The following VPS4B variants were observed in gnomAD, a reference collection of about 807,000 sequenced individuals.
The protein encoded by VPS4B is vacuolar protein sorting-associated protein 4B.
A neutral mutation model predicts 56.1 loss-of-function variants in VPS4B; 23 were observed. The observed-to-expected ratio is 0.41, with a 90% CI of 0.30 to 0.58. The LOEUF (loss-of-function observed/expected upper bound fraction) is 0.58, where lower values mean the gene tolerates loss of function less well. Ranked by LOEUF, VPS4B falls within the 20% of genes least tolerant of loss-of-function variation. VPS4B has a pLI of 0.29. For missense variants in VPS4B, 372 were observed against 531.9 expected, an observed-to-expected ratio of 0.70 and a Z score of 2.96; for synonymous variants, 177 against 186.0, an observed-to-expected ratio of 0.95 and a Z score of 0.39.
At chr18:63,417,948 C>G (rs1298710753) in intron 1 of VPS4B, among the ~76,000 whole-genome samples, 2 of 152,326 alleles carry the variant, frequency 1.3e-5, no homozygotes, top group Non-Finnish European at 2.9e-5. Flanking sequence ...CTACAATTAC[C>G]TACCTCAGAA....
intron 4 of VPS4B, among the ~76,000 whole-genome samples, chr18:63,405,253 A>T (rs1915890392): frequency 6.6e-6 from 1 of 152,188 alleles, no homozygotes; most frequent in Admixed American, 6.5e-5. Flanking sequence ...CCGGTCTTTG[A>T]CTATACTATT....
At chr18:63,416,527 T>C (rs1490654785) in intron 1 of VPS4B, 1 of 152,250 alleles carries the variant, frequency 6.6e-6, no homozygotes, top group African/African-American at 2.4e-5. Context: ...CCATCTCCCT[T>C]GCTAACACCC....
Position 63,397,125 on chromosome 18 carries a change from T to A in VPS4B, c.1001A>T (p.Asp334Val). 6.2e-7 allele frequency: 1 copy of A among 1,614,152 alleles called. No homozygotes were observed. Among genetic ancestry groups the A allele is most frequent in the Non-Finnish European group, 8.5e-7 (1 of 1,180,034 alleles). Residue 334 changes from aspartate (D) to valine (V), a missense_variant, in exon 9 of 11, where the codon GAT becomes GTT. Asp to Val is a radical substitution (Grantham distance 152). Coordinates refer to ENST00000238497, the MANE Select transcript of VPS4B (RefSeq NM_004869.4). ...ACTTATATCTGCCCCTGAATAACCA[T>A]CTGTTTTCCTCCCAAGTTCCCGAAA... ...ADFRELGRKT[D>V]GYSGADISII... is the part of the protein sequence containing the mutation.
At chr18:63,410,938 G>T (rs74595801) in intron 2 of VPS4B, among the ~76,000 whole-genome samples, 1 of 152,204 alleles carries the variant, frequency 6.6e-6, no homozygotes, top group Non-Finnish European at 1.5e-5. Flanking sequence ...AAAGGCCTCT[G>T]TCAGAGCTGT....
Position 63,422,352 on chromosome 18 carries a change from C to G in VPS4B, c.-93G>C, listed in dbSNP as rs944608471. 8 of 1,259,422 alleles carry G rather than the reference C, an allele frequency of 6.4e-6. No individual in the cohort carries two copies. Among genetic ancestry groups the G allele is most frequent in the South Asian group, 2.0e-5 (1 of 51,212 alleles). The allele number at this position is 1,259,422 out of a possible 1,614,324, so 78.0% of individuals were successfully genotyped here. On this transcript the variant is annotated 5_prime_UTR_variant, in exon 1 of 11. Coordinates refer to ENST00000238497, the MANE Select transcript of VPS4B (RefSeq NM_004869.4). ...CGCGCACGGGGTAACAGCCCTCAAACTGGGGAGGCCGGTGGTTCTCGGACC... is the reference window on the plus strand; with the variant it reads ...CGCGCACGGGGTAACAGCCCTCAAAGTGGGGAGGCCGGTGGTTCTCGGACC...
intron 10 of VPS4B, 86 bp downstream of exon 10, chr18:63,393,323 A>G: frequency 7.6e-7 from 1 of 1,322,648 alleles, no homozygotes; most frequent in Non-Finnish European, 9.9e-7. Flanking sequence ...GTTTATACTA[A>G]GATTTTCCAG....
chr18:63,410,981 G>C (rs1331333236), intron 2 of VPS4B, among the ~76,000 whole-genome samples: 1 of 152,194 alleles, frequency 6.6e-6, no homozygotes, highest in Non-Finnish European at 1.5e-5. Context: ...ACGTGCAATA[G>C]ATGGGATGAG....
intron 1 of VPS4B, among the ~76,000 whole-genome samples, chr18:63,417,090 C>T (rs112928600): frequency 2.6e-5 from 4 of 151,320 alleles, no homozygotes; most frequent in South Asian, 2.1e-4. Context: ...AATTGTTTAA[C>T]GAATGAAAAA....
In VPS4B at chr18:63,419,019, T is replaced by C. The variant is rs144994141; in HGVS notation, c.27+3214A>G. Among the ~76,000 whole-genome samples, 346 of 152,262 alleles carry C rather than the reference T, an allele frequency of 2.3e-3. 6 individuals are homozygous for C. The highest frequency in any genetic ancestry group is 7.3e-3 in the East Asian group (38 of 5,172). On this transcript the variant is annotated intron_variant, in intron 1 of 10. Transcript: ENST00000238497. ...TTTGCTCCCTTGCCCTGGCCCCAAA[T>C]AGCTCTCCTTTTGTATTCCCAGAAC...
rs771892843 is a variant in VPS4B at position 63,390,939 on chromosome 18, A to T, written c.*36T>A. ...ATAGACAAAAATATCTATGAAAGAA[A>T]GAATACATATGGTAAGCATCTTCCT... On this transcript the variant is annotated 3_prime_UTR_variant, in exon 11 of 11. Transcript: ENST00000238497. 7.1e-7 allele frequency: 1 copy of T among 1,399,902 alleles called. No homozygotes were observed. The highest frequency in any genetic ancestry group is 1.0e-6 in the Non-Finnish European group (1 of 995,590). The allele number at this position is 1,399,902 out of a possible 1,614,324, so 86.7% of individuals were successfully genotyped here.
intron 3 of VPS4B, 46 bp downstream of exon 3, chr18:63,410,244 C>T (rs774947095): frequency 2.3e-5 from 37 of 1,598,902 alleles, no homozygotes; most frequent in African/African-American, 9.5e-5. Flanking sequence ...TTTCACAAAT[C>T]GAAAGCAAAA....
chr18:63,390,719 T>C lies in VPS4B; in HGVS notation c.*256A>G, dbSNP rs1915529235. ...TGTCAATTTCTGACATCCTTTTTAC[T>C]GGGTAATTTCTGTTTTTATGCCGTT... is the stretch of plus-strand genomic sequence containing the variant. On this transcript the variant is annotated 3_prime_UTR_variant, in exon 11 of 11. Coordinates refer to ENST00000238497, the MANE Select transcript of VPS4B (RefSeq NM_004869.4). 1 of 213,750 alleles carries C rather than the reference T, an allele frequency of 4.7e-6. No homozygotes were observed. Among genetic ancestry groups the C allele is most frequent in the Non-Finnish European group, 9.2e-6 (1 of 109,142 alleles). The allele number at this position is 213,750 out of a possible 1,614,324, so 13.2% of individuals were successfully genotyped here. A position where few individuals can be genotyped will look rare whatever the true frequency, so the allele number is the denominator to read the frequency against.
chr18:63,419,615 T>C (rs1290167270), intron 1 of VPS4B, among the ~76,000 whole-genome samples: 1 of 138,258 alleles, frequency 7.2e-6, no homozygotes, highest in Admixed American at 7.4e-5. Context: ...GTGAATGTGG[T>C]TTCTCTCTCT....
At chr18:63,394,304 C>A (rs1915621469) in intron 9 of VPS4B, among the ~76,000 whole-genome samples, 1 of 152,164 alleles carries the variant, frequency 6.6e-6, no homozygotes, top group African/African-American at 2.4e-5. Context: ...AACAAAAATG[C>A]TCTCAAATCT....
chr18:63,401,456 G>A (rs1384075272), intron 5 of VPS4B, among the ~76,000 whole-genome samples: 3 of 152,104 alleles, frequency 2.0e-5, no homozygotes, highest in Non-Finnish European at 4.4e-5. Flanking sequence ...GTTTTACCAT[G>A]TTGGTCAGGC....
At chr18:63,416,768 C>T (rs1916175705) in intron 1 of VPS4B, among the ~76,000 whole-genome samples, 2 of 152,204 alleles carry the variant, frequency 1.3e-5, no homozygotes, top group African/African-American at 4.8e-5. Flanking sequence ...GCAGCCCAAG[C>T]AGTTGAACCC....
At chr18:63,400,264 A>G (rs1489031921) in intron 6 of VPS4B, 68 bp from the exon 7 acceptor site, 1 of 1,443,844 alleles carries the variant, frequency 6.9e-7, no homozygotes, top group Non-Finnish European at 9.3e-7. Flanking sequence ...TAATATATCA[A>G]TATTACAAGA....
chr18:63,398,223 A>AT (rs869086603), intron 8 of VPS4B, among the ~76,000 whole-genome samples: 8 of 45,682 alleles, frequency 1.8e-4, no homozygotes, highest in South Asian at 1.3e-3. Context: ...ATATATATAT[A>AT]TTTTTTTTTG....
At position 63,400,064 on chromosome 18, in the gene VPS4B, G is replaced by C; in HGVS notation, c.774C>G (p.Phe258Leu). ...TAACACTACCTTGCATTTGCACTAG[G>C]AACTCCGTCTTAATTCTACGTGCGG... is the stretch of plus-strand genomic sequence containing the variant. ...SEAARRIKTE[F>L]LVQMQGVGVD... is the part of the protein sequence containing the mutation. Residue 258 changes from phenylalanine to leucine, a missense_variant, in exon 7 of 11, where the codon TTC becomes TTG. This residue lies in a region of VPS4B where 66 missense variants were observed against 150.7 expected (regional missense o/e 0.44). Coordinates refer to ENST00000238497, the MANE Select transcript of VPS4B (RefSeq NM_004869.4). 1 of 1,605,174 alleles carries C rather than the reference G, an allele frequency of 6.2e-7. No individual in the cohort carries two copies. Among genetic ancestry groups the C allele is most frequent in the Non-Finnish European group, 8.5e-7 (1 of 1,177,566 alleles).
Sources: allele counts gnomAD v4.1 joint callset (sites outside exome capture counted in the v4.1 genomes callset), GRCh38; gene constraint gnomAD v4.1.1; regional missense constraint gnomAD v4.1.1; transcripts MANE v1.5; gene names NCBI Gene and HGNC (gene_info 2026-07-23, HGNC 2026-07-21).